Variants in KLHL23 observed in about 807,000 individuals in gnomAD.
KLHL23 encodes kelch like family member 23.
Under a neutral mutation model 48.9 loss-of-function variants are expected in KLHL23, and 33 were observed. The ratio of observed to expected loss-of-function variants is 0.67; its 90% CI spans 0.51 to 0.90. KLHL23 has a LOEUF of 0.90. Ranked by LOEUF, KLHL23 falls within the 40% of genes least tolerant of loss-of-function variation. The probability of loss-of-function intolerance (pLI) is 0.00; values close to 1 mark genes in which losing one functional copy is unlikely to be tolerated. For synonymous variants in KLHL23, 234 were observed against 231.6 expected, an observed-to-expected ratio of 1.01 and a Z score of -0.09; for missense variants, 608 against 669.6, an observed-to-expected ratio of 0.91 and a Z score of 1.02.
intron 3 of KLHL23, among the ~76,000 whole-genome samples, chr2:169,748,563 G>A (rs1387769702): frequency 2.0e-5 from 3 of 152,194 alleles, no homozygotes; most frequent in East Asian, 3.8e-4. Context: ...GGCACAAAAT[G>A]TAAGGCCATG....
At chr2:169,747,170 C>T (rs1456143075) in intron 3 of KLHL23, among the ~76,000 whole-genome samples, 1 of 151,870 alleles carries the variant, frequency 6.6e-6, no homozygotes, top group Non-Finnish European at 1.5e-5. Flanking sequence ...AAGACTAGCA[C>T]CTGGGCAACA....
In KLHL23 at chr2:169,735,462, G is replaced by C. The variant is rs1460511813; in HGVS notation, c.448G>C (p.Val150Leu). 1 of 1,614,046 alleles carries C rather than the reference G, an allele frequency of 6.2e-7. No homozygotes were observed. The highest frequency in any genetic ancestry group is 1.7e-5 in the Admixed American group (1 of 60,024). Residue 150 changes from valine (V) to leucine (L), a missense_variant, in exon 2 of 4, where the codon GTG becomes CTG. Val to Leu is a conservative substitution (Grantham distance 32). Around this residue, in one of 3 missense-constraint regions of KLHL23, gnomAD observed 419 missense variants for 473.1 expected, o/e 0.89. Transcript: ENST00000392647. The surrounding 1 kb of genome is among the most constrained non-coding windows in gnomAD (Gnocchi z 4.5). Reference sequence around the variant, plus strand: ...AATGCACTCCTTTGCAGAATTTCATGTGTGTCCAGAACTAGAGAAGGAATC... The same window carrying C: ...AATGCACTCCTTTGCAGAATTTCATCTGTGTCCAGAACTAGAGAAGGAATC... ...IGMHSFAEFH[V>L]CPELEKESRR... is the part of the protein sequence containing the mutation.
chr2:169,744,503 G>A (rs773949741), intron 3 of KLHL23, among the ~76,000 whole-genome samples: 4 of 152,114 alleles, frequency 2.6e-5, no homozygotes, highest in Admixed American at 6.6e-5. Context: ...ATGGGAGATC[G>A]GATGGGAGAG....
intron 2 of KLHL23, among the ~76,000 whole-genome samples, chr2:169,738,122 A>G (rs1574521152): frequency 6.6e-6 from 1 of 152,110 alleles, no homozygotes; most frequent in East Asian, 1.9e-4. Flanking sequence ...CCAGTTTTAT[A>G]CTTTGAACTC....
chr2:169,740,791 T>TATATATATATATA (rs1291405019), intron 2 of KLHL23, among the ~76,000 whole-genome samples: 12 of 140,250 alleles, frequency 8.6e-5, no homozygotes, highest in African/African-American at 3.0e-4. Context: ...TATATATATA[T>TATATATATATATA]AACTTATTTA....
At chr2:169,749,393 A>G in intron 3 of KLHL23, 29 bp from the exon 4 acceptor site, 1 of 1,540,014 alleles carries the variant, frequency 6.5e-7, no homozygotes, top group South Asian at 1.3e-5. Flanking sequence ...CTTTAAAAAA[A>G]TGCTGTTTTC....
chr2:169,737,226 A>G (rs1373603441), intron 2 of KLHL23, among the ~76,000 whole-genome samples: 1 of 152,226 alleles, frequency 6.6e-6, no homozygotes, highest in African/African-American at 2.4e-5. Flanking sequence ...ATGCTTGTGA[A>G]GTGCCTAGAA....
At chr2:169,734,907 A>C in intron 1 of KLHL23, 106 bp from the exon 2 acceptor site, 1 of 1,390,278 alleles carries the variant, frequency 7.2e-7, no homozygotes, top group Non-Finnish European at 9.5e-7. Flanking sequence ...TGCTGAACTT[A>C]GTCCAGTTTT....
At chr2:169,741,664 A>C in intron 3 of KLHL23, 127 bp downstream of exon 3, 1 of 1,194,790 alleles carries the variant, frequency 8.4e-7, no homozygotes. Context: ...TAGAATTAAA[A>C]GTCTCAAAAT....
intron 1 of KLHL23, 140 bp from the exon 2 acceptor site, chr2:169,734,873 C>A: frequency 8.7e-7 from 1 of 1,151,926 alleles, no homozygotes; most frequent in African/African-American, 1.6e-5. Context: ...ACAGTCCATC[C>A]ACATTTTGCA....
At position 169,735,317 on chromosome 2, in the gene KLHL23, A is replaced by C; in HGVS notation, c.303A>C (p.Glu101Asp). The change falls in exon 2 of 4, where the codon GAA becomes GAC. Residue 101 changes from glutamate (E) to aspartate (D), a missense_variant. Glu to Asp is a conservative substitution (Grantham distance 45). This residue lies in a region of KLHL23 where 419 missense variants were observed against 473.1 expected (regional missense o/e 0.89). Coordinates refer to ENST00000392647, the MANE Select transcript of KLHL23 (RefSeq NM_144711.6). This position sits in a 1 kb window ranked among gnomAD's most constrained non-coding sequence, Gnocchi z 4.5. ...LVNYAYTSQI[E>D]ITKRNVQSLL... is the part of the protein sequence containing the mutation. ...ATTATGCATACACTTCCCAAATTGA[A>C]ATAACTAAAAGAAATGTTCAAAGCC... is the stretch of plus-strand genomic sequence containing the variant. 6.2e-7 allele frequency: 1 copy of C among 1,613,634 alleles called. No individual in the cohort carries two copies. Among genetic ancestry groups the C allele is most frequent in the Non-Finnish European group, 8.5e-7 (1 of 1,179,938 alleles).
chr2:169,749,683 T>A lies in KLHL23; in HGVS notation c.1628T>A (p.Leu543His). ...DLNKWEIVGN[L>H]PSAMRSHGCV... Reference sequence around the variant, plus strand: ...AATAAGTGGGAAATAGTGGGTAATCTTCCCAGTGCCATGCGGTCTCATGGG... The same window carrying A: ...AATAAGTGGGAAATAGTGGGTAATCATCCCAGTGCCATGCGGTCTCATGGG... Residue 543 changes from leucine to histidine, a missense_variant, in exon 4 of 4, where the codon CTT becomes CAT. Around this residue, in one of 3 missense-constraint regions of KLHL23, gnomAD observed 179 missense variants for 169.9 expected, o/e 1.05. Coordinates refer to ENST00000392647, the MANE Select transcript of KLHL23 (RefSeq NM_144711.6). 6.2e-7 allele frequency: 1 copy of A among 1,613,490 alleles called. No homozygotes were observed.
rs1048479072 is a variant in KLHL23, at chr2:169,746,270, C to T, written c.1367-3152C>T. 1.6e-4 allele frequency among the ~76,000 whole-genome samples: 25 copies of T among 152,186 alleles called. 1 individual carries two copies. Among genetic ancestry groups the T allele is most frequent in the Admixed American group, 6.6e-5 (1 of 15,266 alleles). The stretch of plus-strand genomic sequence containing the variant: ...AAATCAGAAAGTTAGACTACATAAA[C>T]TTTACAGGCTCTTCAATGAGAAAAG... On this transcript the variant is annotated intron_variant, in intron 3 of 3. Coordinates refer to ENST00000392647, the MANE Select transcript of KLHL23 (RefSeq NM_144711.6).
In KLHL23 at chr2:169,735,552, C is replaced by T; in HGVS notation, c.538C>T (p.Leu180Phe). ...ACAAGAAGAATTTCTGGAAATCAGC[C>T]TTGAAAAGTTTCTCTTTATCTTGTC... ...WQQEEFLEIS[L>F]EKFLFILSRK... is the part of the protein sequence containing the mutation. The change falls in exon 2 of 4, where the codon CTT (leucine) becomes TTT (phenylalanine). Residue 180 changes from leucine to phenylalanine, a missense_variant. Leu to Phe is a conservative substitution (Grantham distance 22, BLOSUM62 0). Coordinates refer to ENST00000392647, the MANE Select transcript of KLHL23 (RefSeq NM_144711.6). The surrounding 1 kb of genome is among the most constrained non-coding windows in gnomAD (Gnocchi z 4.5). 2 of 1,613,618 alleles carry T rather than the reference C, an allele frequency of 1.2e-6. No individual in the cohort carries two copies. Among genetic ancestry groups the T allele is most frequent in the Non-Finnish European group, 1.7e-6 (2 of 1,179,962 alleles).
chr2:169,741,064 CA>C (rs1688666053), intron 2 of KLHL23: 1 of 185,728 alleles, frequency 5.4e-6, no homozygotes, highest in African/African-American at 2.3e-5. Context: ...ACAGCATCAC[CA>C]GAAACACATG....
chr2:169,735,810 G>C lies in KLHL23; in HGVS notation c.796G>C (p.Glu266Gln). 1 of 1,614,072 alleles carries C rather than the reference G, an allele frequency of 6.2e-7. No homozygotes were observed. The highest frequency in any genetic ancestry group is 8.5e-7 in the Non-Finnish European group (1 of 1,180,038). ...CAATGCCTTGAATCCCATGCATAAA[G>C]AGATTTCCCAGAGGTCCACAGCCAC... is the stretch of plus-strand genomic sequence containing the variant. ...IYNALNPMHK[E>Q]ISQRSTATMY... Residue 266 changes from glutamate (E) to glutamine (Q), a missense_variant, in exon 2 of 4, where the codon GAG becomes CAG. Coordinates refer to ENST00000392647, the MANE Select transcript of KLHL23 (RefSeq NM_144711.6). This position sits in a 1 kb window ranked among gnomAD's most constrained non-coding sequence, Gnocchi z 4.5.
At position 169,735,833 on chromosome 2, in the gene KLHL23, C is replaced by T; in HGVS notation, c.819C>T (p.Ala273=). ...AAGAGATTTCCCAGAGGTCCACAGCCACAATGTATATAATTGGAGGCTATT... is the reference window on the plus strand; with the variant it reads ...AAGAGATTTCCCAGAGGTCCACAGCTACAATGTATATAATTGGAGGCTATT... The part of the protein sequence containing the change: ...MHKEISQRST[A]TMYIIGGYYW... Residue 273 remains alanine (A), a synonymous_variant, in exon 2 of 4, where the codon GCC becomes GCT. Transcript: ENST00000392647. This position sits in a 1 kb window ranked among gnomAD's most constrained non-coding sequence, Gnocchi z 4.5. The T allele has an allele frequency of 1.2e-6, 2 of 1,614,054 alleles. No individual in the cohort carries two copies. Among genetic ancestry groups the T allele is most frequent in the Non-Finnish European group, 1.7e-6 (2 of 1,180,038 alleles).
chr2:169,737,216 A>G (rs962568957), intron 2 of KLHL23, among the ~76,000 whole-genome samples: 4 of 152,240 alleles, frequency 2.6e-5, no homozygotes, highest in African/African-American at 9.6e-5. Flanking sequence ...AAATTAATCT[A>G]TGCTTGTGAA....
chr2:169,743,645 G>A (rs895133257), intron 3 of KLHL23, among the ~76,000 whole-genome samples: 1 of 152,188 alleles, frequency 6.6e-6, no homozygotes, highest in South Asian at 2.1e-4. Flanking sequence ...TAGCAGCCTT[G>A]GATGTATTCC....
Sources: allele counts gnomAD v4.1 joint callset (sites outside exome capture counted in the v4.1 genomes callset), GRCh38; gene constraint gnomAD v4.1.1; regional missense constraint gnomAD v4.1.1; non-coding constraint Gnocchi (gnomAD v3.1); transcripts MANE v1.5; gene names NCBI Gene and HGNC (gene_info 2026-07-23, HGNC 2026-07-21).